The following DOCK9 variants were observed in gnomAD, a reference collection of about 807,000 sequenced individuals.
DOCK9 encodes the protein dedicator of cytokinesis protein 9.
In DOCK9, 89 loss-of-function variants were observed where a neutral mutation model predicts 263.3. The observed-to-expected ratio is 0.34, with a 90% CI of 0.28 to 0.40. The LOEUF is 0.40. DOCK9 is among the 10% of genes least tolerant of loss of function. The probability of loss-of-function intolerance (pLI) is 1.00; values close to 1 mark genes in which losing one functional copy is unlikely to be tolerated. For missense variants in DOCK9, 2,140 were observed against 2,603.4 expected (o/e 0.82, Z 3.87); for synonymous variants, 976 against 973.1 (o/e 1.00, Z -0.06).
At chr13:98,835,203 C>A (rs1404223931) in intron 39 of DOCK9, among the ~76,000 whole-genome samples, 1 of 151,982 alleles carries the variant, frequency 6.6e-6, no homozygotes, top group Non-Finnish European at 1.5e-5. Flanking sequence ...TAGATGTGGC[C>A]AATTAAGAGA....
intron 1 of DOCK9, among the ~76,000 whole-genome samples, chr13:98,974,739 ACT>A (rs1275412065): frequency 1.8e-5 from 2 of 112,048 alleles, no homozygotes; most frequent in Non-Finnish European, 3.4e-5. Context: ...AACAAGAGCA[ACT>A]CTGTCTCAAA....
At chr13:99,080,367 A>G (rs571920902) in intron 1 of DOCK9, among the ~76,000 whole-genome samples, 1 of 152,170 alleles carries the variant, frequency 6.6e-6, no homozygotes, top group Admixed American at 6.5e-5. Context: ...TCTCAGGATT[A>G]CACTTAGGGA....
chr13:98,876,770 A>G (rs766934490), intron 27 of DOCK9, among the ~76,000 whole-genome samples: 19 of 151,816 alleles, frequency 1.3e-4, no homozygotes, highest in Non-Finnish European at 2.4e-4. Context: ...ATGTGTGATT[A>G]GGGCAAAGAA....
At chr13:99,079,610 C>A (rs538532684) in intron 1 of DOCK9, among the ~76,000 whole-genome samples, 1 of 152,222 alleles carries the variant, frequency 6.6e-6, no homozygotes, top group Non-Finnish European at 1.5e-5. Context: ...ACCTACCAAT[C>A]CCAATACTCA....
At chr13:99,011,844 C>T (rs558740189) in intron 1 of DOCK9, among the ~76,000 whole-genome samples, 25 of 152,306 alleles carry the variant, frequency 1.6e-4, no homozygotes, top group African/African-American at 5.5e-4. Context: ...TTGTCTGAGA[C>T]ATGGTCTCCT....
At chr13:99,053,818 G>A (rs960609604) in intron 1 of DOCK9, among the ~76,000 whole-genome samples, 2 of 152,042 alleles carry the variant, frequency 1.3e-5, no homozygotes, top group Admixed American at 6.6e-5. Context: ...ATTACAAGAG[G>A]AGCGAAGCAC....
chr13:98,838,306 A>G (rs1047579054), intron 38 of DOCK9, among the ~76,000 whole-genome samples: 4 of 152,172 alleles, frequency 2.6e-5, no homozygotes, highest in African/African-American at 9.6e-5. Context: ...GGTTGTGGTA[A>G]GGATTAAATT....
In DOCK9 at chr13:99,076,558, G is replaced by C. The variant is rs1424053636; in HGVS notation, c.129+9665C>G. Among the ~76,000 whole-genome samples, 9 of 152,174 alleles carry C rather than the reference G, an allele frequency of 5.9e-5. No homozygotes were observed. The East Asian group carries it at 1.7e-3, about 29-fold the overall frequency. On this transcript the variant is annotated intron_variant, in intron 1 of 32. Transcript: ENST00000427887. ...GATGTGCAAAAATATTGGCAAATTA[G>C]TCATATGTAGCAATGAGAAACTCAT...
intron 18 of DOCK9, among the ~76,000 whole-genome samples, chr13:98,887,909 G>A (rs987802112): frequency 6.6e-6 from 1 of 152,050 alleles, no homozygotes; most frequent in African/African-American, 2.4e-5. Flanking sequence ...AGTGTTTGCT[G>A]AATTGAGTGT....
intron 1 of DOCK9, among the ~76,000 whole-genome samples, chr13:98,999,173 T>C (rs1279469714): frequency 6.6e-6 from 1 of 152,142 alleles, no homozygotes; most frequent in African/African-American, 2.4e-5. Context: ...CCTGAGTTCC[T>C]TGAATAGTCT....
intron 1 of DOCK9, among the ~76,000 whole-genome samples, chr13:99,022,541 G>A (rs549408027): frequency 2.0e-4 from 31 of 152,300 alleles, no homozygotes; most frequent in Non-Finnish European, 3.7e-4. Context: ...TAGCTCCAAG[G>A]AGCAAGCGTC....
At chr13:98,882,939 G>A in intron 23 of DOCK9, 103 bp downstream of exon 23, 1 of 910,050 alleles carries the variant, frequency 1.1e-6, no homozygotes, top group Non-Finnish European at 1.7e-6. Context: ...GAGACATCCA[G>A]GTAAGAGCTT....
At chr13:98,807,561 T>C (rs988451507) in intron 48 of DOCK9, 100 bp downstream of exon 48, 11 of 1,139,044 alleles carry the variant, frequency 9.7e-6, no homozygotes, top group Non-Finnish European at 1.3e-5. Flanking sequence ...CAATCCTTAA[T>C]ATTTTTCTTG....
chr13:98,888,370 G>T lies in DOCK9; in HGVS notation c.1967C>A (p.Ser656Tyr). 6.2e-7 allele frequency: 1 copy of T among 1,612,878 alleles called. No individual in the cohort carries two copies. Among genetic ancestry groups the T allele is most frequent in the South Asian group, 1.1e-5 (1 of 90,854 alleles). The change falls in exon 17 of 53, where the codon TCT becomes TAT. Residue 656 changes from serine (S) to tyrosine (Y), a missense_variant. Ser to Tyr is a moderately radical substitution (Grantham distance 144, BLOSUM62 -2). Coordinates refer to ENST00000682017, the MANE Select transcript of DOCK9 (RefSeq NM_001366683.2). The part of the protein sequence containing the change: ...PKYLKYDSQK[S>Y]FAKARNIAIC... Reference sequence around the variant, plus strand: ...CATCTTCACACTCACCTTGGCAAAAGACTTCTGACTGTCGTATTTCAAGTA... The same window carrying T: ...CATCTTCACACTCACCTTGGCAAAATACTTCTGACTGTCGTATTTCAAGTA...
intron 2 of DOCK9, among the ~76,000 whole-genome samples, chr13:98,953,670 A>T (rs2057700509): frequency 6.6e-6 from 1 of 152,254 alleles, no homozygotes; most frequent in Non-Finnish European, 1.5e-5. Context: ...TCTTGTCAAC[A>T]TGCAGTACAA....
Position 98,880,531 on chromosome 13 carries a change from G to A in DOCK9, c.2871+16C>T, listed in dbSNP as rs370678713. 2.2e-4 allele frequency: 360 copies of A among 1,613,580 alleles called. No homozygotes were observed. The highest frequency in any genetic ancestry group is 2.9e-4 in the Non-Finnish European group (337 of 1,179,816). ...AATCAGTTTCAATCAGAGCCACACT[G>A]ACTCTCCTGACATACCTTCAGTAGT... On this transcript the variant is annotated intron_variant, in intron 26 of 52. Transcript: ENST00000682017.
chr13:98,880,481 T>A, intron 26 of DOCK9, 66 bp downstream of exon 26: 1 of 1,605,124 alleles, frequency 6.2e-7, no homozygotes, highest in Non-Finnish European at 8.5e-7. Flanking sequence ...GCTGTATTGA[T>A]CAGGCTGTGG....
At chr13:99,058,106 A>G (rs2041011847) in intron 1 of DOCK9, among the ~76,000 whole-genome samples, 1 of 152,092 alleles carries the variant, frequency 6.6e-6, no homozygotes, top group Non-Finnish European at 1.5e-5. Flanking sequence ...CCCAACTTCA[A>G]AAACACCCAG....
chr13:99,081,796 C>T (rs1388642359), intron 1 of DOCK9, among the ~76,000 whole-genome samples: 1 of 152,186 alleles, frequency 6.6e-6, no homozygotes, highest in African/African-American at 2.4e-5. Flanking sequence ...AGTTCGCGTA[C>T]GTTTTGAACA....
Sources: gnomAD v4.1 joint callset for allele counts (sites outside exome capture counted in the v4.1 genomes callset) on GRCh38, gnomAD v4.1.1 for gene constraint, MANE v1.5 for transcripts, NCBI Gene and HGNC (gene_info 2026-07-23, HGNC 2026-07-21) for gene names.